CCDC34: variants seen among roughly 807,000 people sequenced by gnomAD.
CCDC34 encodes the protein coiled-coil domain-containing protein 34.
Under a neutral mutation model 44.1 loss-of-function variants are expected in CCDC34, and 40 were observed. The ratio of observed to expected loss-of-function variants is 0.91; its 90% CI spans 0.70 to 1.18. The LOEUF (loss-of-function observed/expected upper bound fraction) is 1.18. CCDC34 is among the 50% of genes most tolerant of loss of function. CCDC34 has a pLI of 0.00. For synonymous variants in CCDC34, 159 were observed against 158.2 expected (o/e 1.01, Z -0.04); for missense variants, 466 against 452.3 (o/e 1.03, Z -0.28).
intron 1 of CCDC34, among the ~76,000 whole-genome samples, chr11:27,361,423 T>C (rs1862662834): frequency 6.6e-6 from 1 of 152,214 alleles, no homozygotes; most frequent in Non-Finnish European, 1.5e-5. Flanking sequence ...TCAGAAAGTA[T>C]TTCCTAAAGC....
chr11:27,351,712 G>A (rs951208494), intron 2 of CCDC34, among the ~76,000 whole-genome samples: 10 of 152,112 alleles, frequency 6.6e-5, no homozygotes, highest in African/African-American at 2.4e-4. Flanking sequence ...GCTACATTGC[G>A]AGTTATTGCA....
Position 27,357,384 on chromosome 11 carries a change from G to T in CCDC34, c.498+19C>A, listed in dbSNP as rs1356750950. 6.2e-7 allele frequency: 1 copy of T among 1,601,248 alleles called. No individual in the cohort carries two copies. The highest frequency in any genetic ancestry group is 2.2e-5 in the East Asian group (1 of 44,742). The stretch of plus-strand genomic sequence containing the variant: ...TGTGAGCTCACAGATTAAATAAAAA[G>T]AACACTGTCTAGTTTTACCTCTAGA... On this transcript the variant is annotated intron_variant, in intron 2 of 5. Transcript: ENST00000328697.
intron 1 of CCDC34, among the ~76,000 whole-genome samples, chr11:27,358,958 A>ACCCCCCCCCCCC (rs71050907): frequency 1.0e-4 from 9 of 88,238 alleles, no homozygotes; most frequent in African/African-American, 2.5e-4. Context: ...CAACATGTGG[A>ACCCCCCCCCCCC]CCCCCCCCCC....
intron 2 of CCDC34, among the ~76,000 whole-genome samples, chr11:27,353,770 G>A (rs925237087): frequency 1.3e-5 from 2 of 152,010 alleles, no homozygotes; most frequent in African/African-American, 2.4e-5. Context: ...AAGAAAATAC[G>A]AAAGCCAGAG....
intron 1 of CCDC34, among the ~76,000 whole-genome samples, chr11:27,357,983 T>C (rs888602642): frequency 6.6e-6 from 1 of 152,176 alleles, no homozygotes; most frequent in Non-Finnish European, 1.5e-5. Context: ...AAGAGAATAA[T>C]AGAGCAAACA....
intron 1 of CCDC34, among the ~76,000 whole-genome samples, chr11:27,360,282 A>G (rs1590332587): frequency 6.6e-6 from 1 of 152,220 alleles, no homozygotes; most frequent in Non-Finnish European, 1.5e-5. Flanking sequence ...TATTCCAGGA[A>G]AACGCTTCTC....
At chr11:27,352,579 T>C (rs549251448) in intron 2 of CCDC34, among the ~76,000 whole-genome samples, 11 of 152,232 alleles carry the variant, frequency 7.2e-5, no homozygotes, top group Admixed American at 2.0e-4. Flanking sequence ...ACCTGACAAC[T>C]ACATATCAAA....
At chr11:27,362,695 C>CAAA in intron 1 of CCDC34, 141 bp downstream of exon 1, 2 of 887,990 alleles carry the variant, frequency 2.3e-6, no homozygotes, top group Non-Finnish European at 1.7e-6. Flanking sequence ...TCTTTATGTG[C>CAAA]AAAAAAAACC....
chr11:27,352,108 C>A (rs927957289), intron 2 of CCDC34, among the ~76,000 whole-genome samples: 2 of 152,138 alleles, frequency 1.3e-5, no homozygotes, highest in African/African-American at 4.8e-5. Flanking sequence ...CTGGGCCAGG[C>A]GCAGTGGCTC....
intron 3 of CCDC34, chr11:27,349,010 T>C: frequency 2.0e-6 from 2 of 983,602 alleles, no homozygotes; most frequent in Non-Finnish European, 2.4e-6. Context: ...TTGGATTAGG[T>C]CTACTGCCAC....
chr11:27,340,705 T>C lies in CCDC34; in HGVS notation c.898A>G (p.Lys300Glu). 1 of 1,606,932 alleles carries C rather than the reference T, an allele frequency of 6.2e-7. No homozygotes were observed. Among genetic ancestry groups the C allele is most frequent in the Non-Finnish European group, 8.5e-7 (1 of 1,177,354 alleles). Residue 300 changes from lysine to glutamate, a missense_variant, in exon 5 of 6, where the codon AAA becomes GAA. By Grantham distance (56) the Lys-to-Glu change is moderately conservative. Coordinates refer to ENST00000328697, the MANE Select transcript of CCDC34 (RefSeq NM_030771.2). ...AAKSYGYANGKLTGFYSGNSY... is the reference protein window; with the variant it reads ...AAKSYGYANGELTGFYSGNSY... ...CAACATAAAAACCAACCTGTAAGTT[T>C]TCCATTGGCATAACCATAGCTCTTT...
rs949774520 is a variant in CCDC34, at chr11:27,356,939, G to A, written c.498+464C>T. On this transcript the variant is annotated intron_variant, in intron 2 of 5. Coordinates refer to ENST00000328697, the MANE Select transcript of CCDC34 (RefSeq NM_030771.2). ...GGTGGGGTGGGGTGGGGTTGGGGGT[G>A]GTGGGGGGGGGCAGGTAGATTCTTG... is the stretch of plus-strand genomic sequence containing the variant. Among the ~76,000 whole-genome samples the A allele has an allele frequency of 5.1e-5, 3 of 59,134 alleles. No homozygotes were observed. In the South Asian group the frequency reaches 2.7e-3, roughly 53 times the overall value. 38.8% of individuals were successfully genotyped at this position (59,134 alleles called of 152,430 possible). A position where few individuals can be genotyped will look rare whatever the true frequency, so the allele number is the denominator to read the frequency against.
At chr11:27,340,886 C>A (rs112925796) in intron 4 of CCDC34, 49 bp from the exon 5 acceptor site, 1 of 1,555,164 alleles carries the variant, frequency 6.4e-7, no homozygotes, top group African/African-American at 1.4e-5. Context: ...TGTAACTATA[C>A]ATTCCATTCA....
intron 5 of CCDC34, among the ~76,000 whole-genome samples, chr11:27,339,941 A>T (rs545471262): frequency 1.1e-4 from 17 of 152,320 alleles, no homozygotes; most frequent in African/African-American, 3.6e-4. Context: ...AAGAAACAAA[A>T]AGAAGGAGCG....
chr11:27,340,376 C>G (rs1862338383), intron 5 of CCDC34, among the ~76,000 whole-genome samples: 1 of 152,036 alleles, frequency 6.6e-6, no homozygotes, highest in African/African-American at 2.4e-5. Context: ...GCAAAACGAC[C>G]CCTTAAAATA....
intron 3 of CCDC34, 45 bp from the exon 4 acceptor site, chr11:27,341,595 T>C: frequency 1.1e-6 from 1 of 886,716 alleles, no homozygotes; most frequent in Non-Finnish European, 1.6e-6. Context: ...CCAGTAATTA[T>C]ACTCATCTAA....
intron 3 of CCDC34, among the ~76,000 whole-genome samples, chr11:27,345,522 G>A (rs1379122065): frequency 6.6e-6 from 1 of 152,176 alleles, no homozygotes; most frequent in Non-Finnish European, 1.5e-5. Context: ...ACCTATGAGT[G>A]AGAACATGCG....
chr11:27,350,764 G>A (rs563172004), intron 2 of CCDC34, among the ~76,000 whole-genome samples: 150 of 152,232 alleles, frequency 9.9e-4, no homozygotes, highest in Non-Finnish European at 4.0e-4. Flanking sequence ...GCTACTGGCA[G>A]AAGCTCAAGA....
chr11:27,350,307 T>C, intron 3 of CCDC34, 25 bp downstream of exon 3: 1 of 1,613,900 alleles, frequency 6.2e-7, no homozygotes, highest in African/African-American at 1.3e-5. Context: ...GATGTCAATG[T>C]GTGTATCCAT....
Sources: gnomAD v4.1 joint callset for allele counts (sites outside exome capture counted in the v4.1 genomes callset) on GRCh38, gnomAD v4.1.1 for gene constraint, MANE v1.5 for transcripts, NCBI Gene and HGNC (gene_info 2026-07-23, HGNC 2026-07-21) for gene names.